TET1: variants seen among roughly 807,000 people sequenced by gnomAD.
The protein encoded by TET1 is tet methylcytosine dioxygenase 1, also known as methylcytosine dioxygenase TET1.
TET1 carries 13 observed loss-of-function variants against 148.7 expected under a neutral mutation model. The ratio of observed to expected loss-of-function variants is 0.09; its 90% CI spans 0.06 to 0.14. The LOEUF is 0.14. Ranked by LOEUF, TET1 falls within the 10% of genes least tolerant of loss-of-function variation. The pLI, the probability that TET1 is intolerant of heterozygous loss-of-function variation, is 1.00. For synonymous variants in TET1, 907 were observed against 937.2 expected, an observed-to-expected ratio of 0.97 and a Z score of 0.59; for missense variants, 2,182 against 2,553.8, an observed-to-expected ratio of 0.85 and a Z score of 3.14.
chr10:68,618,434 A>T lies in TET1; in HGVS notation c.1968+17400A>T, dbSNP rs146901121. On this transcript the variant is annotated intron_variant, in intron 3 of 11. Coordinates refer to ENST00000373644, the MANE Select transcript of TET1 (RefSeq NM_030625.3). Reference sequence around the variant, plus strand: ...TCTTTATCTTGCCCTTCCTGCTCTTATCTTCCACAGAGCTTTATCTTACCA... The same window carrying T: ...TCTTTATCTTGCCCTTCCTGCTCTTTTCTTCCACAGAGCTTTATCTTACCA... Among the ~76,000 whole-genome samples, 10 of 152,304 alleles carry T rather than the reference A, an allele frequency of 6.6e-5. No individual in the cohort carries two copies. The East Asian group carries it at 1.7e-3, about 26-fold the overall frequency.
chr10:68,600,505 GATCACTTTGGAGTTGC>G (rs1216052129), intron 2 of TET1, among the ~76,000 whole-genome samples: 1 of 152,210 alleles, frequency 6.6e-6, no homozygotes, highest in African/African-American at 2.4e-5. Context: ...AGGCTGAGAA[GATCACTTTGGAGTTGC>G]TAAGCTCTGC....
At chr10:68,590,699 A>G (rs2053908908) in intron 2 of TET1, among the ~76,000 whole-genome samples, 1 of 152,060 alleles carries the variant, frequency 6.6e-6, no homozygotes, top group African/African-American at 2.4e-5. Context: ...AGGTGGAAGG[A>G]TCACTTGAGC....
At chr10:68,634,406 A>G (rs537724798) in intron 3 of TET1, among the ~76,000 whole-genome samples, 2 of 152,376 alleles carry the variant, frequency 1.3e-5, no homozygotes, top group South Asian at 2.1e-4. Flanking sequence ...ACAATCTAAG[A>G]AAGTAAACTA....
chr10:68,587,538 A>ACAAG (rs1021025249), intron 2 of TET1, among the ~76,000 whole-genome samples: 1 of 151,952 alleles, frequency 6.6e-6, no homozygotes, highest in Middle Eastern at 3.2e-3. Flanking sequence ...AGTTGGTAAA[A>ACAAG]CAGACTAATA....
rs893444135 is a variant in TET1 at position 68,602,568 on chromosome 10, C to T, written c.1968+1534C>T. ...GAAGTAGAATTGGACTTTGGGAATG[C>T]AATTTAATTCTATGTTTATTTTGTT... On this transcript the variant is annotated intron_variant, in intron 3 of 11. Coordinates refer to ENST00000373644, the MANE Select transcript of TET1 (RefSeq NM_030625.3). 2.6e-5 allele frequency among the ~76,000 whole-genome samples: 4 copies of T among 152,182 alleles called. No homozygotes were observed. The East Asian group carries it at 5.8e-4, about 22-fold the overall frequency.
intron 2 of TET1, among the ~76,000 whole-genome samples, chr10:68,578,966 A>G (rs2053762491): frequency 6.6e-6 from 1 of 152,110 alleles, no homozygotes; most frequent in South Asian, 2.1e-4. Flanking sequence ...GCAGTGAGCT[A>G]TGATCGCGCC....
At chr10:68,638,659 G>A (rs950477830) in intron 3 of TET1, among the ~76,000 whole-genome samples, 2 of 152,070 alleles carry the variant, frequency 1.3e-5, no homozygotes, top group Admixed American at 6.6e-5. Context: ...AACAGACTTC[G>A]AAAGGCTTTA....
At chr10:68,596,300 G>C (rs985278372) in intron 2 of TET1, among the ~76,000 whole-genome samples, 1 of 151,772 alleles carries the variant, frequency 6.6e-6, no homozygotes, top group Admixed American at 6.6e-5. Context: ...CTGTATAGAT[G>C]GTTAGAAGTG....
chr10:68,686,669 C>T lies in TET1; in HGVS notation c.5366C>T (p.Thr1789Ile), dbSNP rs373954825. The T allele has an allele frequency of 7.7e-5, 124 of 1,614,066 alleles. 1 individual carries two copies. In the Middle Eastern group the frequency reaches 8.2e-4, roughly 11 times the overall value. The stretch of plus-strand genomic sequence containing the variant: ...ATCAAGCGGAAGAATAACTCAACAA[C>T]AACAAACAACAGTAAGCCTTCGTCA... ...PRIKRKNNSTTTNNSKPSSLP... is the reference protein window; with the variant it reads ...PRIKRKNNSTITNNSKPSSLP... Residue 1789 changes from threonine to isoleucine, a missense_variant, in exon 11 of 12, where the codon ACA (threonine) becomes ATA (isoleucine). By Grantham distance (89) the Thr-to-Ile change is moderately conservative. Coordinates refer to ENST00000373644, the MANE Select transcript of TET1 (RefSeq NM_030625.3).
At chr10:68,628,643 T>G (rs115377516) in intron 3 of TET1, among the ~76,000 whole-genome samples, 169 of 152,298 alleles carry the variant, frequency 1.1e-3, no homozygotes, top group African/African-American at 3.9e-3. Context: ...TGAAGAAATG[T>G]GTAGTTTACT....
intron 2 of TET1, among the ~76,000 whole-genome samples, chr10:68,592,919 C>T (rs1476857986): frequency 6.6e-6 from 1 of 152,066 alleles, no homozygotes; most frequent in African/African-American, 2.4e-5. Context: ...CAGTTATACA[C>T]TCAGCACTAT....
chr10:68,609,457 G>C (rs956934715), intron 3 of TET1, among the ~76,000 whole-genome samples: 2 of 151,842 alleles, frequency 1.3e-5, no homozygotes, highest in African/African-American at 4.8e-5. Context: ...CACTGCCCCC[G>C]GCCAAGCCTG....
Position 68,594,173 on chromosome 10 carries a change from G to T in TET1, c.1915-6808G>T, listed in dbSNP as rs549583775. ...ACTCCTGACCTCAAGTGATCCTCCC[G>T]CCTTGGCCTCCCAAAGTGCTGGGAT... On this transcript the variant is annotated intron_variant, in intron 2 of 11. Coordinates refer to ENST00000373644, the MANE Select transcript of TET1 (RefSeq NM_030625.3). Among the ~76,000 whole-genome samples the T allele has an allele frequency of 2.6e-5, 4 of 152,124 alleles. No homozygotes were observed. In the South Asian group the frequency reaches 8.3e-4, roughly 32 times the overall value.
intron 3 of TET1, among the ~76,000 whole-genome samples, chr10:68,621,264 C>T (rs540710069): frequency 2.0e-5 from 3 of 151,104 alleles, no homozygotes; most frequent in Admixed American, 1.3e-4. Flanking sequence ...TGTTTTGAGA[C>T]GGAGTTTCAC....
chr10:68,601,029 T>G lies in TET1; in HGVS notation c.1963T>G (p.Leu655Val). 1 of 1,603,424 alleles carries G rather than the reference T, an allele frequency of 6.2e-7. No individual in the cohort carries two copies. Among genetic ancestry groups the G allele is most frequent in the Non-Finnish European group, 8.5e-7 (1 of 1,177,432 alleles). ...RPQREKKPKV[L>V]KADFDNKPVN... ...CCAGAGGGAAAAGAAGCCCAAAGTT[T>G]TAAAGGTAATCAGCTGTTGATTAAA... The change falls in exon 3 of 12, where the codon TTA becomes GTA. Residue 655 changes from leucine (L) to valine (V), a missense_variant. Transcript: ENST00000373644.
chr10:68,634,686 T>C (rs1452087246), intron 3 of TET1, among the ~76,000 whole-genome samples: 1 of 152,212 alleles, frequency 6.6e-6, no homozygotes, highest in African/African-American at 2.4e-5. Context: ...AGAATTCCTA[T>C]GAAGTACTGT....
chr10:68,577,940 T>C (rs898481894), intron 2 of TET1, among the ~76,000 whole-genome samples: 2 of 152,016 alleles, frequency 1.3e-5, no homozygotes, highest in African/African-American at 4.8e-5. Context: ...GATGGCACCA[T>C]TGCATACCAG....
chr10:68,580,805 A>AATATAT (rs1554930544), intron 2 of TET1, among the ~76,000 whole-genome samples: 72 of 94,350 alleles, frequency 7.6e-4, no homozygotes, highest in Middle Eastern at 4.6e-3. Context: ...AAAAAAAAAA[A>AATATAT]ATATATATAT....
chr10:68,593,182 A>G (rs2053937737), intron 2 of TET1, among the ~76,000 whole-genome samples: 1 of 138,608 alleles, frequency 7.2e-6, no homozygotes, highest in African/African-American at 2.7e-5. Context: ...CAGTGAGCTG[A>G]GATTGCGCCA....
Sources: gnomAD v4.1 joint callset for allele counts (sites outside exome capture counted in the v4.1 genomes callset) on GRCh38, gnomAD v4.1.1 for gene constraint, MANE v1.5 for transcripts, NCBI Gene and HGNC (gene_info 2026-07-23, HGNC 2026-07-21) for gene names.